Variants in AKAP13 observed in about 807,000 individuals in gnomAD.
The protein encoded by AKAP13 is A-kinase anchoring protein 13.
Under a neutral mutation model 264.5 loss-of-function variants are expected in AKAP13, and 80 were observed. The ratio of observed to expected loss-of-function variants is 0.30; its 90% CI spans 0.25 to 0.36. The LOEUF (loss-of-function observed/expected upper bound fraction) is 0.36. Ranked by LOEUF, AKAP13 falls within the 10% of genes least tolerant of loss-of-function variation. The probability of loss-of-function intolerance (pLI) is 1.00; values close to 1 mark genes in which losing one functional copy is unlikely to be tolerated. For synonymous variants in AKAP13, 1,380 were observed against 1,250.2 expected (o/e 1.10, Z -2.19); for missense variants, 3,712 against 3,435.2 (o/e 1.08, Z -2.01).
rs1427127408 is a variant in AKAP13, at chr15:85,724,777, C to A, written c.6745+1457C>A. ...AGAGAGACTGGTGACAGATAAGAGA[C>A]TGTGCAGTGCTTTGGGGAAGAGCTC... On this transcript the variant is annotated intron_variant, in intron 26 of 36. Transcript: ENST00000394518. This position sits in a 1 kb window ranked among gnomAD's most constrained non-coding sequence, Gnocchi z 4.2. 2.6e-5 allele frequency among the ~76,000 whole-genome samples: 4 copies of A among 151,816 alleles called. No homozygotes were observed. The highest frequency in any genetic ancestry group is 5.9e-5 in the Non-Finnish European group (4 of 68,010).
At chr15:85,666,791 G>A (rs1286574448) in intron 13 of AKAP13, among the ~76,000 whole-genome samples, 1 of 152,170 alleles carries the variant, frequency 6.6e-6, no homozygotes, top group African/African-American at 2.4e-5. Flanking sequence ...TGTCTTGAAG[G>A]TCATGGATTT....
intron 1 of AKAP13, among the ~76,000 whole-genome samples, chr15:85,446,413 C>G (rs1335692253): frequency 6.6e-6 from 1 of 152,048 alleles, no homozygotes; most frequent in South Asian, 2.1e-4. Flanking sequence ...GAGGTGAGAC[C>G]GTTAATGAGG....
intron 9 of AKAP13, 43 bp from the exon 10 acceptor site, chr15:85,645,772 TTTG>T: frequency 4.1e-6 from 6 of 1,466,148 alleles, no homozygotes; most frequent in Admixed American, 2.5e-5. Context: ...TTTTGGTTTT[TTTG>T]TTTTTTTTTT....
At chr15:85,707,247 T>C (rs2086341980) in intron 17 of AKAP13, among the ~76,000 whole-genome samples, 1 of 152,226 alleles carries the variant, frequency 6.6e-6, no homozygotes, top group Non-Finnish European at 1.5e-5. Flanking sequence ...ATGGTAAGCC[T>C]TCTGAGACAC....
Position 85,703,916 on chromosome 15 carries a change from CTG to C in AKAP13, c.5465-4101_5465-4100del, listed in dbSNP as rs550983216. Among the ~76,000 whole-genome samples, 378 of 151,494 alleles carry C rather than the reference CTG, an allele frequency of 2.5e-3. 3 individuals carry two copies. The highest frequency in any genetic ancestry group is 8.7e-3 in the African/African-American group (359 of 41,348). The stretch of plus-strand genomic sequence containing the variant: ...AATTTTTTTTTGAGAGACAGGGTCT[CTG>C]TTAAAGATTTTAAACAAGAAGTTTA... On this transcript the variant is annotated intron_variant, in intron 17 of 36. Transcript: ENST00000394518.
intron 1 of AKAP13, among the ~76,000 whole-genome samples, chr15:85,403,710 G>T (rs575473663): frequency 6.6e-6 from 1 of 151,804 alleles, no homozygotes; most frequent in Non-Finnish European, 1.5e-5. Context: ...GCGTGGTGGC[G>T]CATGTCTGTA....
At chr15:85,679,930 A>ATT (rs1403028541) in intron 14 of AKAP13, among the ~76,000 whole-genome samples, 1 of 152,202 alleles carries the variant, frequency 6.6e-6, no homozygotes, top group Non-Finnish European at 1.5e-5. Flanking sequence ...GCATTGGTGG[A>ATT]TTAATTACTG....
intron 1 of AKAP13, among the ~76,000 whole-genome samples, chr15:85,412,099 A>G (rs542993411): frequency 8.3e-6 from 1 of 120,310 alleles, no homozygotes; most frequent in Non-Finnish European, 1.8e-5. Context: ...TGATCAATGT[A>G]TGATGTTACA....
chr15:85,451,513 C>T (rs1208829604), intron 1 of AKAP13, among the ~76,000 whole-genome samples: 1 of 152,036 alleles, frequency 6.6e-6, no homozygotes, highest in Non-Finnish European at 1.5e-5. Flanking sequence ...TGGTAGCGGT[C>T]TTTCTTTTGT....
At chr15:85,474,761 T>C (rs1302961936) in intron 1 of AKAP13, among the ~76,000 whole-genome samples, 1 of 152,246 alleles carries the variant, frequency 6.6e-6, no homozygotes, top group Non-Finnish European at 1.5e-5. Flanking sequence ...TCCAGTGTCA[T>C]TGTTCTCAAG....
At chr15:85,452,587 G>A (rs1033576683) in intron 1 of AKAP13, among the ~76,000 whole-genome samples, 1 of 152,144 alleles carries the variant, frequency 6.6e-6, no homozygotes, top group African/African-American at 2.4e-5. Context: ...TGTGTAGGGT[G>A]TTTATTTGAA....
chr15:85,668,541 C>T (rs2083730560), intron 13 of AKAP13, among the ~76,000 whole-genome samples: 1 of 152,214 alleles, frequency 6.6e-6, no homozygotes, highest in South Asian at 2.1e-4. Context: ...TGTAGAATCA[C>T]TATCATCTTA....
chr15:85,462,205 A>T (rs1423938122), intron 1 of AKAP13, among the ~76,000 whole-genome samples: 1 of 152,206 alleles, frequency 6.6e-6, no homozygotes, highest in East Asian at 1.9e-4. Flanking sequence ...GTCCATAGGA[A>T]GCCTTCAGTG....
intron 19 of AKAP13, 33 bp downstream of exon 19, chr15:85,710,678 T>C (rs1346963192): frequency 6.2e-7 from 1 of 1,605,254 alleles, no homozygotes; most frequent in Middle Eastern, 1.7e-4. Context: ...CAATTCCCTT[T>C]CTGACTTTCT....
intron 2 of AKAP13, among the ~76,000 whole-genome samples, chr15:85,491,838 T>C (rs1331674787): frequency 2.6e-5 from 4 of 152,174 alleles, no homozygotes; most frequent in Non-Finnish European, 2.9e-5. Flanking sequence ...CATGTTTGCA[T>C]AGTACCTCAT....
chr15:85,397,654 T>A (rs1248413637), intron 1 of AKAP13, among the ~76,000 whole-genome samples: 1 of 152,196 alleles, frequency 6.6e-6, no homozygotes, highest in Non-Finnish European at 1.5e-5. Context: ...GCAAGGAAGG[T>A]ATTTTTATGA....
intron 1 of AKAP13, among the ~76,000 whole-genome samples, chr15:85,477,511 G>A (rs571980442): frequency 1.3e-5 from 2 of 151,970 alleles, no homozygotes; most frequent in African/African-American, 4.8e-5. Context: ...GCCCCCAACA[G>A]ATCCTTGCTG....
chr15:85,424,114 T>G (rs2072653866), intron 1 of AKAP13, among the ~76,000 whole-genome samples: 2 of 152,244 alleles, frequency 1.3e-5, no homozygotes, highest in Admixed American at 1.3e-4. Flanking sequence ...GAGCATTGGC[T>G]TCAACTTAAA....
intron 14 of AKAP13, among the ~76,000 whole-genome samples, chr15:85,680,791 T>G (rs1272536521): frequency 1.3e-5 from 2 of 152,194 alleles, no homozygotes; most frequent in Non-Finnish European, 2.9e-5. Context: ...TTGAAGAGTT[T>G]CAAATGCGGG....
Sources: gnomAD v4.1 joint callset for allele counts (sites outside exome capture counted in the v4.1 genomes callset) on GRCh38, gnomAD v4.1.1 for gene constraint, Gnocchi (gnomAD v3.1) non-coding constraint, MANE v1.5 for transcripts, NCBI Gene and HGNC (gene_info 2026-07-23, HGNC 2026-07-21) for gene names.